The following MOGAT3 variants were observed in gnomAD, a reference collection of about 807,000 sequenced individuals.
MOGAT3 encodes the protein 2-acylglycerol O-acyltransferase 3.
In MOGAT3, 39 loss-of-function variants were observed where a neutral mutation model predicts 34.4. That is an observed-to-expected ratio of 1.13 (90% CI 0.88 to 1.48). The LOEUF is 1.48. Among genes scored for constraint, MOGAT3 ranks in the 40% most tolerant of loss-of-function variants. The probability of loss-of-function intolerance (pLI) is 0.00; values close to 1 mark genes in which losing one functional copy is unlikely to be tolerated. For synonymous variants in MOGAT3, 209 were observed against 179.2 expected, an observed-to-expected ratio of 1.17 and a Z score of -1.33; for missense variants, 439 against 438.9, an observed-to-expected ratio of 1.00 and a Z score of 0.00.
At chr7:101,200,064 G>C (rs1014853180) in intron 3 of MOGAT3, among the ~76,000 whole-genome samples, 170 bp downstream of exon 3, 2 of 151,384 alleles carry the variant, frequency 1.3e-5, no homozygotes, top group African/African-American at 2.4e-5. Context: ...CTGCACTCCA[G>C]CCTCGGTGAC....
chr7:101,196,101 C>T lies in MOGAT3; in HGVS notation c.872-1G>A, dbSNP rs1356651330. Reference sequence around the variant, plus strand: ...TGGGGGACGGGGATGGGGCGGCCCACTGCAGGGAGAGGGAGACAGGTGGGC... The same window carrying T: ...TGGGGGACGGGGATGGGGCGGCCCATTGCAGGGAGAGGGAGACAGGTGGGC... On this transcript the variant is annotated splice_acceptor_variant, in intron 6 of 6. Coordinates refer to ENST00000223114, the MANE Select transcript of MOGAT3 (RefSeq NM_178176.4). LOFTEE classifies it high-confidence loss of function. The T allele has an allele frequency of 3.1e-6, 5 of 1,605,980 alleles. No homozygotes were observed. Among genetic ancestry groups the T allele is most frequent in the Non-Finnish European group, 4.3e-6 (5 of 1,175,798 alleles).
At chr7:101,198,555 G>A in intron 4 of MOGAT3, 71 bp downstream of exon 4, 3 of 1,440,116 alleles carry the variant, frequency 2.1e-6, no homozygotes, top group Non-Finnish European at 2.8e-6. Flanking sequence ...ATGGGGGGGG[G>A]TGGTCCCAGA....
chr7:101,200,333 AC>A, intron 2 of MOGAT3, 29 bp from the exon 3 acceptor site: 1 of 1,612,264 alleles, frequency 6.2e-7, no homozygotes, highest in Non-Finnish European at 8.5e-7. Flanking sequence ...TGGTGGACGA[AC>A]CCCCGGAGTC....
downstream of MOGAT3, among the ~76,000 whole-genome samples, chr7:101,193,151 G>A (rs1324412301): frequency 6.6e-6 from 1 of 151,944 alleles, no homozygotes; most frequent in East Asian, 1.9e-4. Flanking sequence ...GGCTGGTGCT[G>A]TGGTGCAATC....
At chr7:101,196,715 A>G (rs1316160228) in intron 5 of MOGAT3, among the ~76,000 whole-genome samples, 1 of 152,078 alleles carries the variant, frequency 6.6e-6, no homozygotes, top group Non-Finnish European at 1.5e-5. Flanking sequence ...GCAAAAACAT[A>G]AAAATTAGCC....
At chr7:101,193,743 T>C (rs1357682294), downstream of MOGAT3, among the ~76,000 whole-genome samples, 1 of 152,132 alleles carries the variant, frequency 6.6e-6, no homozygotes, top group African/African-American at 2.4e-5. Context: ...GAAACATTTC[T>C]ATGCTCCAAC....
Position 101,196,180 on chromosome 7 carries a change from C to A in MOGAT3, c.871+7G>T, listed in dbSNP as rs1395724547. On this transcript the variant is annotated splice_region_variant and intron_variant, in intron 6 of 6. Transcript: ENST00000223114. ...TGGTGGCCGTCCCCCCGGAGGTGGG[C>A]ACTCACCCACAGTGGTGATGGGCAC... 1 of 1,571,564 alleles carries A rather than the reference C, an allele frequency of 6.4e-7. No homozygotes were observed. The highest frequency in any genetic ancestry group is 1.9e-5 in the Admixed American group (1 of 52,308).
chr7:101,198,958 A>G (rs889447839), intron 3 of MOGAT3, 128 bp from the exon 4 acceptor site: 17 of 650,730 alleles, frequency 2.6e-5, no homozygotes, highest in African/African-American at 5.6e-5. Context: ...ACCCCAGCAG[A>G]GTTCCGAGTT....
chr7:101,200,308 C>CG lies in MOGAT3; in HGVS notation c.218-5dup, dbSNP rs752937526. The CG allele has an allele frequency of 7.9e-5, 128 of 1,613,754 alleles. No individual in the cohort carries two copies. Among genetic ancestry groups the CG allele is most frequent in the Non-Finnish European group, 1.1e-4 (125 of 1,179,852 alleles). The stretch of plus-strand genomic sequence containing the variant: ...ATCCACTCCGAACGCCTTCCACCTG[C>CG]GGACAATGAGATACTGGTGGACGAA... On this transcript the variant is annotated splice_polypyrimidine_tract_variant and splice_region_variant and intron_variant, in intron 2 of 6. Transcript: ENST00000223114.
In MOGAT3 at chr7:101,195,097, C is replaced by T. The variant is rs1797745309; in HGVS notation, c.*849G>A. ...AAGGTCATGCCACAGACTGAACTCT[C>T]ACTGGGAGGACAGTTCAGGGTCCTG... On this transcript the variant is annotated 3_prime_UTR_variant, in exon 7 of 7. Coordinates refer to ENST00000223114, the MANE Select transcript of MOGAT3 (RefSeq NM_178176.4). 1 of 152,294 alleles carries T rather than the reference C, an allele frequency of 6.6e-6. No homozygotes were observed. Among genetic ancestry groups the T allele is most frequent in the African/African-American group, 2.4e-5 (1 of 41,462 alleles). The allele number at this position is 152,294 out of a possible 1,614,324, so 9.4% of individuals were successfully genotyped here.
rs770768928 is a variant in MOGAT3, at chr7:101,198,681, G to C, written c.438C>G (p.Ala146=). 6.2e-7 allele frequency: 1 copy of C among 1,613,538 alleles called. No homozygotes were observed. The highest frequency in any genetic ancestry group is 8.5e-7 in the Non-Finnish European group (1 of 1,180,014). ...GGAGGTAGAAGAGGCCAGCCAGCACGGCTAACCAGGGCCGGAGCCCCGGGA... is the reference window on the plus strand; with the variant it reads ...GGAGGTAGAAGAGGCCAGCCAGCACCGCTAACCAGGGCCGGAGCCCCGGGA... ...QLFPGLRPWL[A]VLAGLFYLPV... Residue 146 remains alanine (A), a synonymous_variant, in exon 4 of 7, where the codon GCC becomes GCG. Transcript: ENST00000223114.
Position 101,198,834 on chromosome 7 carries a change from C to T in MOGAT3, c.289-4G>A. 1 of 1,613,796 alleles carries T rather than the reference C, an allele frequency of 6.2e-7. No homozygotes were observed. Among genetic ancestry groups the T allele is most frequent in the Non-Finnish European group, 8.5e-7 (1 of 1,179,926 alleles). On this transcript the variant is annotated splice_region_variant and splice_polypyrimidine_tract_variant and intron_variant, in intron 3 of 6. Transcript: ENST00000223114. ...GCAGCTCTGCTGTTTTCACCAGCTT[C>T]GGGGTGTTGAGCAGGATGAAGGGAG...
chr7:101,192,969 TCG>T (rs1195005591), downstream of MOGAT3, among the ~76,000 whole-genome samples: 1 of 151,786 alleles, frequency 6.6e-6, no homozygotes, highest in Non-Finnish European at 1.5e-5. Context: ...TCCCAGCTAC[TCG>T]GGAGGCTGAG....
At chr7:101,197,357 T>C (rs118037775) in intron 5 of MOGAT3, among the ~76,000 whole-genome samples, 2 of 151,954 alleles carry the variant, frequency 1.3e-5, no homozygotes, top group African/African-American at 2.4e-5. Context: ...TAATTTATTT[T>C]ATTTTATTTT....
At chr7:101,192,971 G>A (rs1021097638), downstream of MOGAT3, among the ~76,000 whole-genome samples, 1 of 150,048 alleles carries the variant, frequency 6.7e-6, no homozygotes, top group Non-Finnish European at 1.5e-5. Context: ...CCAGCTACTC[G>A]GGAGGCTGAG....
At position 101,200,777 on chromosome 7, in the gene MOGAT3, GGCGCCC is replaced by G; in HGVS notation, c.72_77del (p.Gly25_Ala26del). Reference sequence around the variant, plus strand: ...AGAGGAAAGTGAGCACATATTGGTAGGCGCCCACTGCTTCTAGATGCTGCTTCTGCA... The same window carrying G: ...AGAGGAAAGTGAGCACATATTGGTAGACTGCTTCTAGATGCTGCTTCTGCA... On this transcript the variant is annotated inframe_deletion, in exon 1 of 7. Coordinates refer to ENST00000223114, the MANE Select transcript of MOGAT3 (RefSeq NM_178176.4). 1.2e-6 allele frequency: 2 copies of G among 1,614,146 alleles called. No homozygotes were observed. The highest frequency in any genetic ancestry group is 8.5e-7 in the Non-Finnish European group (1 of 1,180,010).
intron 3 of MOGAT3, among the ~76,000 whole-genome samples, chr7:101,199,474 G>A (rs968055242): frequency 4.6e-5 from 7 of 151,910 alleles, no homozygotes; most frequent in Admixed American, 1.3e-4. Context: ...CACCATGTCC[G>A]GCTAATTTGT....
intron 3 of MOGAT3, among the ~76,000 whole-genome samples, chr7:101,199,531 G>T (rs1797893469): frequency 6.6e-6 from 1 of 151,094 alleles, no homozygotes; most frequent in Non-Finnish European, 1.5e-5. Flanking sequence ...GGTCAGGCTG[G>T]TCTCGAACTC....
At position 101,196,262 on chromosome 7, in the gene MOGAT3, T is replaced by A; in HGVS notation, c.796A>T (p.Ile266Phe). The stretch of plus-strand genomic sequence containing the variant: ...GAGAAGAGACCGCGACCCCAGAAGA[T>A]GCAAGGAGAGAAGCCCATGAGCTTC... ...FKKLMGFSPC[I>F]FWGRGLFSAT... Residue 266 changes from isoleucine to phenylalanine, a missense_variant, in exon 6 of 7, where the codon ATC (isoleucine) becomes TTC (phenylalanine). Physicochemically the swap from Ile to Phe is conservative, Grantham distance 21. Coordinates refer to ENST00000223114, the MANE Select transcript of MOGAT3 (RefSeq NM_178176.4). The A allele has an allele frequency of 6.2e-7, 1 of 1,610,492 alleles. No individual in the cohort carries two copies. The highest frequency in any genetic ancestry group is 8.5e-7 in the Non-Finnish European group (1 of 1,178,440).
Sources: gnomAD v4.1 joint callset for allele counts (sites outside exome capture counted in the v4.1 genomes callset) on GRCh38, gnomAD v4.1.1 for gene constraint, MANE v1.5 for transcripts, NCBI Gene and HGNC (gene_info 2026-07-23, HGNC 2026-07-21) for gene names.